Variants in ANKRD26 observed in about 807,000 individuals in gnomAD.
The protein encoded by ANKRD26 is ankyrin repeat domain-containing protein 26.
Under a neutral mutation model 208.7 loss-of-function variants are expected in ANKRD26, and 141 were observed. That is an observed-to-expected ratio of 0.68 (90% CI 0.59 to 0.78). ANKRD26 has a LOEUF of 0.78. Among genes scored for constraint, ANKRD26 ranks in the 30% least tolerant of loss-of-function variants. ANKRD26 has a pLI of 0.00. For missense variants in ANKRD26, 1,889 were observed against 1,938.7 expected, an observed-to-expected ratio of 0.97 and a Z score of 0.48; for synonymous variants, 636 against 660.4, an observed-to-expected ratio of 0.96 and a Z score of 0.57.
intron 23 of ANKRD26, 46 bp downstream of exon 23, chr10:27,037,140 T>C (rs770857884): frequency 1.3e-6 from 2 of 1,587,206 alleles, no homozygotes; most frequent in Admixed American, 1.7e-5. Flanking sequence ...CACATATAAA[T>C]ACATATACAC....
At chr10:27,014,106 G>C (rs1236357179) in intron 31 of ANKRD26, among the ~76,000 whole-genome samples, 2 of 152,060 alleles carry the variant, frequency 1.3e-5, no homozygotes, top group African/African-American at 4.8e-5. Flanking sequence ...AGTGATACTT[G>C]ACCCTTCTGG....
chr10:27,093,768 G>T lies in ANKRD26; in HGVS notation c.274C>A (p.His92Asn). The change falls in exon 2 of 34, where the codon CAT (histidine) becomes AAT (asparagine). Residue 92 changes from histidine to asparagine, a missense_variant. Around this residue, in one of 3 missense-constraint regions of ANKRD26, gnomAD observed 1,272 missense variants for 1,273.8 expected, o/e 1.00. Coordinates refer to ENST00000376087, the MANE Select transcript of ANKRD26 (RefSeq NM_014915.3). ...TALHLACANG[H>N]PEVVTLLVDR... is the part of the protein sequence containing the mutation. The stretch of plus-strand genomic sequence containing the variant: ...ACCAGGAGAGTTACTACTTCTGGAT[G>T]ACCATTGGCACAGGCCAAATGTAGA... 6.2e-7 allele frequency: 1 copy of T among 1,614,242 alleles called. No individual in the cohort carries two copies. The highest frequency in any genetic ancestry group is 1.1e-5 in the South Asian group (1 of 91,078).
rs374978629 is a variant in ANKRD26, at chr10:27,009,329, G to C, written c.4954-2367C>G. Among the ~76,000 whole-genome samples, 4 of 152,320 alleles carry C rather than the reference G, an allele frequency of 2.6e-5. No individual in the cohort carries two copies. In the East Asian group the frequency reaches 7.7e-4, roughly 29 times the overall value. ...TGTTGACAAGTCTGGTTTTGTCCTGGTTGGTGGGAAACTGGGATGGTTTTA... is the reference window on the plus strand; with the variant it reads ...TGTTGACAAGTCTGGTTTTGTCCTGCTTGGTGGGAAACTGGGATGGTTTTA... On this transcript the variant is annotated intron_variant, in intron 32 of 33. Transcript: ENST00000376087.
chr10:27,024,137 A>T (rs1222185631), intron 28 of ANKRD26, among the ~76,000 whole-genome samples: 1 of 152,208 alleles, frequency 6.6e-6, no homozygotes, highest in African/African-American at 2.4e-5. Context: ...TACCAAAGAG[A>T]GAAAGATTAC....
At chr10:27,048,662 A>G (rs943076623) in intron 17 of ANKRD26, 139 bp downstream of exon 17, 1 of 769,084 alleles carries the variant, frequency 1.3e-6, no homozygotes, top group Non-Finnish European at 2.0e-6. Context: ...GCTAATTTGC[A>G]TTTTTCTAAT....
chr10:27,070,799 G>T (rs941464422), intron 9 of ANKRD26, among the ~76,000 whole-genome samples: 1 of 151,980 alleles, frequency 6.6e-6, no homozygotes, highest in African/African-American at 2.4e-5. Context: ...CTGAGTAGCT[G>T]GGATTATAGG....
intron 25 of ANKRD26, among the ~76,000 whole-genome samples, chr10:27,031,297 C>T (rs1032373758): frequency 6.6e-6 from 1 of 152,194 alleles, no homozygotes; most frequent in Non-Finnish European, 1.5e-5. Context: ...AATCTAGAGG[C>T]CCATCCGCTG....
At chr10:26,988,235 T>C (rs78475358), downstream of ANKRD26, among the ~76,000 whole-genome samples, 3,745 of 152,234 alleles carry the variant, frequency 0.025, 132 homozygotes, top group African/African-American at 0.085. Context: ...GTGATGGACA[T>C]TGGGAAAGCT....
intron 15 of ANKRD26, among the ~76,000 whole-genome samples, chr10:27,057,943 A>G (rs914899330): frequency 6.6e-6 from 1 of 151,958 alleles, no homozygotes; most frequent in African/African-American, 2.4e-5. Flanking sequence ...CTCAAAAAAA[A>G]AAAAAAAGAA....
chr10:27,066,677 A>G (rs2055260266), intron 10 of ANKRD26, 129 bp from the exon 11 acceptor site: 1 of 628,280 alleles, frequency 1.6e-6, no homozygotes, highest in African/African-American at 1.9e-5. Context: ...ATAATAGCAA[A>G]AAAAGAATTT....
intron 5 of ANKRD26, among the ~76,000 whole-genome samples, chr10:27,085,733 T>G (rs1392122611): frequency 6.6e-6 from 1 of 152,142 alleles, no homozygotes; most frequent in Non-Finnish European, 1.5e-5. Context: ...AGGTTTGAAC[T>G]GCACAAATCC....
chr10:27,008,462 C>T (rs1000541215), intron 32 of ANKRD26, among the ~76,000 whole-genome samples: 2 of 152,048 alleles, frequency 1.3e-5, no homozygotes, highest in African/African-American at 4.8e-5. Flanking sequence ...CATTAATAAA[C>T]ATGACGTAAA....
At chr10:27,091,724 A>G (rs2056305455) in intron 4 of ANKRD26, among the ~76,000 whole-genome samples, 1 of 152,178 alleles carries the variant, frequency 6.6e-6, no homozygotes, top group South Asian at 2.1e-4. Context: ...GCAGTGGCTT[A>G]ATGCCTGTAA....
chr10:26,983,927 T>C (rs2052345980), intron 3 of ANKRD26, among the ~76,000 whole-genome samples: 1 of 152,172 alleles, frequency 6.6e-6, no homozygotes, highest in Non-Finnish European at 1.5e-5. Context: ...ATACCCATCA[T>C]GACAGGCTGG....
At position 27,035,755 on chromosome 10, in the gene ANKRD26, A is replaced by G. The variant is rs1239473323; in HGVS notation, c.2698-3T>C. On this transcript the variant is annotated splice_polypyrimidine_tract_variant and splice_region_variant and intron_variant, in intron 23 of 33. Coordinates refer to ENST00000376087, the MANE Select transcript of ANKRD26 (RefSeq NM_014915.3). ...TCTTCTTCATGACTATGAGAATTCT[A>G]AGTAAAACAAAGGAAACTTTGAGCT... 6.3e-7 allele frequency: 1 copy of G among 1,593,564 alleles called. No individual in the cohort carries two copies. The highest frequency in any genetic ancestry group is 8.6e-7 in the Non-Finnish European group (1 of 1,165,064).
At chr10:27,054,332 C>CCCAG (rs2054768089) in intron 15 of ANKRD26, among the ~76,000 whole-genome samples, 1 of 152,102 alleles carries the variant, frequency 6.6e-6, no homozygotes, top group African/African-American at 2.4e-5. Context: ...CATCTGTAAT[C>CCCAG]CCAGCACTTT....
chr10:26,984,979 T>C (rs1446287424), intron 3 of ANKRD26, among the ~76,000 whole-genome samples: 2 of 152,164 alleles, frequency 1.3e-5, no homozygotes, highest in Non-Finnish European at 1.5e-5. Flanking sequence ...TGAGTTCCCC[T>C]ATCACTGTGA....
At chr10:27,080,603 C>T in intron 6 of ANKRD26, 1 of 979,918 alleles carries the variant, frequency 1.0e-6, no homozygotes, top group Non-Finnish European at 1.2e-6. Flanking sequence ...CCTATATTTC[C>T]CTAAGTACTA....
chr10:27,091,012 C>T (rs913820892), intron 4 of ANKRD26, among the ~76,000 whole-genome samples: 3 of 152,070 alleles, frequency 2.0e-5, no homozygotes, highest in Non-Finnish European at 4.4e-5. Context: ...AGGGGGATTG[C>T]TTGAGCCCAA....
Sources: gnomAD v4.1 joint callset for allele counts (sites outside exome capture counted in the v4.1 genomes callset) on GRCh38, gnomAD v4.1.1 for gene constraint, gnomAD v4.1.1 regional missense constraint, MANE v1.5 for transcripts, NCBI Gene and HGNC (gene_info 2026-07-23, HGNC 2026-07-21) for gene names.